Variants in ANK3 observed in about 807,000 individuals in gnomAD.
The protein encoded by ANK3 is ankyrin-3.
Under a neutral mutation model 370.9 loss-of-function variants are expected in ANK3, and 57 were observed. The observed-to-expected ratio is 0.15, with a 90% CI of 0.12 to 0.19. The LOEUF is 0.19. Among genes scored for constraint, ANK3 ranks in the 10% least tolerant of loss-of-function variants. The probability of loss-of-function intolerance (pLI) is 1.00; values close to 1 mark genes in which losing one functional copy is unlikely to be tolerated. For missense variants in ANK3, 4,439 were observed against 5,302.1 expected (o/e 0.84, Z 5.06); for synonymous variants, 1,929 against 1,946.3 (o/e 0.99, Z 0.23).
chr10:60,195,937 C>G (rs981839662), intron 16 of ANK3, among the ~76,000 whole-genome samples: 2 of 152,188 alleles, frequency 1.3e-5, no homozygotes, highest in African/African-American at 4.8e-5. Context: ...CAAAGACAAT[C>G]AACTGACAAG....
intron 23 of ANK3, among the ~76,000 whole-genome samples, chr10:60,162,273 C>G (rs1425306686): frequency 6.6e-6 from 1 of 152,140 alleles, no homozygotes; most frequent in Non-Finnish European, 1.5e-5. Context: ...TGTTCCTTCT[C>G]TACTCCCAGT....
chr10:60,277,974 A>G (rs1401126210), intron 4 of ANK3, among the ~76,000 whole-genome samples: 1 of 152,216 alleles, frequency 6.6e-6, no homozygotes, highest in East Asian at 1.9e-4. Flanking sequence ...GGAGACTCAA[A>G]TAATGAATAC....
In ANK3 at chr10:60,088,345, T is replaced by C. The variant is rs747497308; in HGVS notation, c.3342A>G (p.Pro1114=). 7 of 1,613,990 alleles carry C rather than the reference T, an allele frequency of 4.3e-6. No individual in the cohort carries two copies. The highest frequency in any genetic ancestry group is 1.3e-5 in the African/African-American group (1 of 74,928). Residue 1114 remains proline (P), a synonymous_variant, in exon 29 of 44, where the codon CCA becomes CCG. Transcript: ENST00000280772. ...AGATACGCTTTTTCCCTAACTCTTC[T>C]GGGCTATCAAGTTCTGAAAAGACAA... is the stretch of plus-strand genomic sequence containing the variant. ...LNGMDEELDS[P]EELGKKRICR... is the part of the protein sequence containing the mutation.
chr10:60,590,839 G>A (rs1595329675), intron 2 of ANK3, among the ~76,000 whole-genome samples: 1 of 151,996 alleles, frequency 6.6e-6, no homozygotes, highest in South Asian at 2.1e-4. Context: ...AACTATATTG[G>A]TTTTTTACTT....
At chr10:60,420,190 A>G (rs1190300389) in intron 2 of ANK3, among the ~76,000 whole-genome samples, 2 of 152,112 alleles carry the variant, frequency 1.3e-5, no homozygotes, top group Admixed American at 1.3e-4. Context: ...ACATGGGTTG[A>G]TTACTTTTTT....
chr10:60,140,714 A>G (rs1256236925), intron 23 of ANK3: 5 of 1,202,674 alleles, frequency 4.2e-6, no homozygotes, highest in African/African-American at 3.1e-5. Flanking sequence ...GCAAGCCTCT[A>G]GCAGGACAGA....
intron 1 of ANK3, among the ~76,000 whole-genome samples, chr10:60,641,432 G>C (rs1474115953): frequency 1.3e-5 from 2 of 151,818 alleles, no homozygotes; most frequent in Admixed American, 1.3e-4. Flanking sequence ...CCAAAACAGA[G>C]ATATAGATCA....
chr10:60,333,576 T>A (rs1409565679), intron 1 of ANK3, among the ~76,000 whole-genome samples: 1 of 152,206 alleles, frequency 6.6e-6, no homozygotes, highest in African/African-American at 2.4e-5. Flanking sequence ...TGGTTCCAAG[T>A]CTTTGTTATT....
At chr10:60,080,337 T>C (rs1336558408) in intron 36 of ANK3, 200 bp downstream of exon 36, 24 of 529,028 alleles carry the variant, frequency 4.5e-5, no homozygotes, top group South Asian at 1.2e-4. Flanking sequence ...AAAAACTGTT[T>C]TGAAGTATGA....
At chr10:60,159,264 G>C (rs1049264474) in intron 23 of ANK3, among the ~76,000 whole-genome samples, 9 of 152,002 alleles carry the variant, frequency 5.9e-5, no homozygotes, top group African/African-American at 2.2e-4. Context: ...GCCAAAAAAG[G>C]AACAGGAATA....
chr10:60,075,725 G>C lies in ANK3; in HGVS notation c.5156C>G (p.Ser1719Cys). ...GHAEVALVNG[S>C]ISPLKYPSSS... ...TGATGGATATTTTAGAGGGGAAATAGATCCATTGACTAATGCTACCTCTGC... is the reference window on the plus strand; with the variant it reads ...TGATGGATATTTTAGAGGGGAAATACATCCATTGACTAATGCTACCTCTGC... Residue 1719 changes from serine to cysteine, a missense_variant, in exon 37 of 44, where the codon TCT (serine) becomes TGT (cysteine). Physicochemically the swap from Ser to Cys is moderately radical, Grantham distance 112. Transcript: ENST00000280772. The C allele has an allele frequency of 6.2e-7, 1 of 1,614,104 alleles. No homozygotes were observed. The highest frequency in any genetic ancestry group is 1.1e-5 in the South Asian group (1 of 91,078).
At chr10:60,673,316 A>G (rs1216963389) in intron 1 of ANK3, among the ~76,000 whole-genome samples, 1 of 151,842 alleles carries the variant, frequency 6.6e-6, no homozygotes, top group Non-Finnish European at 1.5e-5. Flanking sequence ...GGGATTAGAG[A>G]TCTAACTTTA....
chr10:60,283,151 C>A (rs954930001), intron 1 of ANK3, among the ~76,000 whole-genome samples: 3 of 152,160 alleles, frequency 2.0e-5, no homozygotes, highest in South Asian at 4.1e-4. Flanking sequence ...GCATAAGTGG[C>A]AGGGCAAATA....
intron 2 of ANK3, among the ~76,000 whole-genome samples, chr10:60,408,407 G>A (rs192465529): frequency 7.2e-5 from 11 of 152,162 alleles, no homozygotes; most frequent in South Asian, 6.2e-4. Flanking sequence ...GTTTAAAAGC[G>A]TATGGCACCC....
chr10:60,068,490 TA>T, intron 37 of ANK3, 146 bp downstream of exon 37: 1 of 836,818 alleles, frequency 1.2e-6, no homozygotes, highest in Non-Finnish European at 1.9e-6. Context: ...GACAATGACA[TA>T]ATGAGAAACT....
intron 2 of ANK3, among the ~76,000 whole-genome samples, chr10:60,396,054 C>A (rs955693029): frequency 6.6e-6 from 1 of 152,150 alleles, no homozygotes; most frequent in Non-Finnish European, 1.5e-5. Flanking sequence ...TCCCTTTACG[C>A]CCTGGCTACT....
At chr10:60,217,508 A>G (rs925043598) in intron 8 of ANK3, among the ~76,000 whole-genome samples, 56 of 152,022 alleles carry the variant, frequency 3.7e-4, no homozygotes, top group African/African-American at 1.3e-3. Context: ...CCTTAATGTC[A>G]TAATGTTTAC....
chr10:60,028,924 G>A lies in ANK3; in HGVS notation c.*922C>T, dbSNP rs2072681947. The A allele has an allele frequency of 1.3e-5, 2 of 151,732 alleles. No individual in the cohort carries two copies. Among genetic ancestry groups the A allele is most frequent in the African/African-American group, 2.4e-5 (1 of 41,144 alleles). The allele number at this position is 151,732 out of a possible 1,614,324, so 9.4% of individuals were successfully genotyped here. A position where few individuals can be genotyped will look rare whatever the true frequency, so the allele number is the denominator to read the frequency against. On this transcript the variant is annotated 3_prime_UTR_variant, in exon 44 of 44. Coordinates refer to ENST00000280772, the MANE Select transcript of ANK3 (RefSeq NM_020987.5). ...GCAATAGCAACAAATATTAGATGAAGGGCTTTGTGTTTACAGATAAAATCT... is the reference window on the plus strand; with the variant it reads ...GCAATAGCAACAAATATTAGATGAAAGGCTTTGTGTTTACAGATAAAATCT...
intron 2 of ANK3, among the ~76,000 whole-genome samples, chr10:60,601,873 G>A (rs573465898): frequency 6.6e-6 from 1 of 152,124 alleles, no homozygotes; most frequent in South Asian, 2.1e-4. Context: ...GAAAGACAAA[G>A]TTTACTTTTT....
Sources: gnomAD v4.1 joint callset for allele counts (sites outside exome capture counted in the v4.1 genomes callset) on GRCh38, gnomAD v4.1.1 for gene constraint, MANE v1.5 for transcripts, NCBI Gene and HGNC (gene_info 2026-07-23, HGNC 2026-07-21) for gene names.